PRKAR1B: variants seen among roughly 807,000 people sequenced by gnomAD.
PRKAR1B encodes the protein cAMP-dependent protein kinase type I-beta regulatory subunit.
In PRKAR1B, 22 loss-of-function variants were observed where a neutral mutation model predicts 46.5. The observed-to-expected ratio is 0.47, with a 90% confidence interval of 0.34 to 0.68. The LOEUF (loss-of-function observed/expected upper bound fraction) is 0.68, where lower values mean the gene tolerates loss of function less well. Among genes scored for constraint, PRKAR1B ranks in the 30% least tolerant of loss-of-function variants. The probability of loss-of-function intolerance (pLI) is 0.01; values close to 1 mark genes in which losing one functional copy is unlikely to be tolerated. For synonymous variants in PRKAR1B, 259 were observed against 217.7 expected, an observed-to-expected ratio of 1.19 and a Z score of -1.67; for missense variants, 445 against 535.6, an observed-to-expected ratio of 0.83 and a Z score of 1.67.
chr7:579,161 G>C (rs973417891), intron 9 of PRKAR1B, 95 bp downstream of exon 9: 1 of 1,603,386 alleles, frequency 6.2e-7, no homozygotes, highest in Non-Finnish European at 8.5e-7. Context: ...ACTGACTCCA[G>C]AGGGAGGGTG....
Position 584,290 on chromosome 7 carries a change from G to A in PRKAR1B, c.769+218C>T, listed in dbSNP as rs551009405. Among the ~76,000 whole-genome samples the A allele has an allele frequency of 1.4e-3, 210 of 152,360 alleles. 1 individual carries two copies. The highest frequency in any genetic ancestry group is 4.6e-3 in the African/African-American group (193 of 41,580). ...TGAGAAGCAGGGCAGCCCCGCCCACGAGAGAGGAGGCAGGCTCTTGGGGTT... is the reference window on the plus strand; with the variant it reads ...TGAGAAGCAGGGCAGCCCCGCCCACAAGAGAGGAGGCAGGCTCTTGGGGTT... On this transcript the variant is annotated intron_variant, in intron 8 of 10. Coordinates refer to ENST00000537384, the MANE Select transcript of PRKAR1B (RefSeq NM_001164760.2).
At chr7:561,131 A>AC (rs1778764403) in intron 9 of PRKAR1B, among the ~76,000 whole-genome samples, 5 of 148,258 alleles carry the variant, frequency 3.4e-5, no homozygotes, top group African/African-American at 1.3e-4. Flanking sequence ...ACAGGCACAC[A>AC]AACACACACA....
At chr7:646,777 A>C (rs1391510182) in intron 4 of PRKAR1B, among the ~76,000 whole-genome samples, 1 of 152,246 alleles carries the variant, frequency 6.6e-6, no homozygotes, top group Non-Finnish European at 1.5e-5. Flanking sequence ...AGACTAAGCC[A>C]TGTTAACCAA....
intron 1 of PRKAR1B, among the ~76,000 whole-genome samples, chr7:725,192 C>T (rs1250654626): frequency 2.7e-4 from 39 of 145,676 alleles, no homozygotes; most frequent in African/African-American, 8.7e-4. Context: ...CCAGGCTGGG[C>T]GACAGAGCAA....
Position 578,843 on chromosome 7 carries a change from G to A in PRKAR1B, c.891+413C>T, listed in dbSNP as rs577328919. 101 of 292,298 alleles carry A rather than the reference G, an allele frequency of 3.5e-4. 1 individual carries two copies. Among genetic ancestry groups the A allele is most frequent in the African/African-American group, 1.9e-3 (84 of 43,750 alleles). 18.1% of individuals were successfully genotyped at this position (292,298 alleles called of 1,614,324 possible). Reference sequence around the variant, plus strand: ...ATTACAGGCATGTGCCACCACACCCGGCAAATTTTTGTATTTTTAGTAGAG... The same window carrying A: ...ATTACAGGCATGTGCCACCACACCCAGCAAATTTTTGTATTTTTAGTAGAG... On this transcript the variant is annotated intron_variant, in intron 9 of 10. Coordinates refer to ENST00000537384, the MANE Select transcript of PRKAR1B (RefSeq NM_001164760.2).
At chr7:721,513 T>G (rs761409935) in intron 1 of PRKAR1B, among the ~76,000 whole-genome samples, 3 of 152,140 alleles carry the variant, frequency 2.0e-5, no homozygotes, top group Non-Finnish European at 4.4e-5. Flanking sequence ...TCGGGCATGG[T>G]GGCACATGCC....
rs896904846 is a variant in PRKAR1B, at chr7:627,179, G to A, written c.441-19727C>T. On this transcript the variant is annotated intron_variant, in intron 4 of 10. Coordinates refer to ENST00000537384, the MANE Select transcript of PRKAR1B (RefSeq NM_001164760.2). Reference sequence around the variant, plus strand: ...TTTTTATTTATTTATTTGTAGAGATGGGGTCTCGTCGCATTGCCCAGGCTG... The same window carrying A: ...TTTTTATTTATTTATTTGTAGAGATAGGGTCTCGTCGCATTGCCCAGGCTG... Among the ~76,000 whole-genome samples, 7 of 151,982 alleles carry A rather than the reference G, an allele frequency of 4.6e-5. No homozygotes were observed. The East Asian group carries it at 1.4e-3, about 29-fold the overall frequency.
intron 4 of PRKAR1B, among the ~76,000 whole-genome samples, chr7:654,165 T>C (rs1785060017): frequency 6.7e-6 from 1 of 149,518 alleles, no homozygotes. Flanking sequence ...ATCACTATCA[T>C]TGCCATCTTC....
At position 633,847 on chromosome 7, in the gene PRKAR1B, G is replaced by A. The variant is rs201876215; in HGVS notation, c.441-26395C>T. 1.6e-4 allele frequency among the ~76,000 whole-genome samples: 25 copies of A among 152,140 alleles called. No homozygotes were observed. The East Asian group carries it at 4.3e-3, about 26-fold the overall frequency. ...AAGTAAGGAGGCTGTGTGTAATCACGGGAAACAGGCAGACCCAAGACCTTG... is the reference window on the plus strand; with the variant it reads ...AAGTAAGGAGGCTGTGTGTAATCACAGGAAACAGGCAGACCCAAGACCTTG... On this transcript the variant is annotated intron_variant, in intron 4 of 10. Coordinates refer to ENST00000537384, the MANE Select transcript of PRKAR1B (RefSeq NM_001164760.2).
At chr7:685,248 C>G (rs530777856) in intron 2 of PRKAR1B, among the ~76,000 whole-genome samples, 1 of 89,998 alleles carries the variant, frequency 1.1e-5, no homozygotes, top group Admixed American at 1.1e-4. Flanking sequence ...ACATATAACA[C>G]GTTTTATATA....
At chr7:677,481 C>T (rs1411144566) in intron 3 of PRKAR1B, among the ~76,000 whole-genome samples, 161 bp from the exon 4 acceptor site, 1 of 152,202 alleles carries the variant, frequency 6.6e-6, no homozygotes, top group Non-Finnish European at 1.5e-5. Context: ...TTTTTCTAAA[C>T]AGAGTCTTGA....
At chr7:617,192 A>G (rs1782870597) in intron 4 of PRKAR1B, among the ~76,000 whole-genome samples, 1 of 151,386 alleles carries the variant, frequency 6.6e-6, no homozygotes, top group South Asian at 2.1e-4. Context: ...CAGGGGTTTC[A>G]CCATGTTGGC....
At chr7:583,666 A>AC (rs1252802909) in intron 8 of PRKAR1B, among the ~76,000 whole-genome samples, 1 of 126,478 alleles carries the variant, frequency 7.9e-6, no homozygotes, top group Non-Finnish European at 1.6e-5. Flanking sequence ...ATGCGCACAC[A>AC]CCCACACACA....
chr7:662,339 C>A (rs1785635451), intron 4 of PRKAR1B, among the ~76,000 whole-genome samples: 2 of 133,386 alleles, frequency 1.5e-5, no homozygotes, highest in Admixed American at 7.2e-5. Context: ...ACCTACTCTC[C>A]CCCCCATGGC....
At chr7:556,990 C>T (rs1404139860) in intron 9 of PRKAR1B, among the ~76,000 whole-genome samples, 1 of 152,220 alleles carries the variant, frequency 6.6e-6, no homozygotes, top group East Asian at 1.9e-4. Flanking sequence ...TGCCCTCCCA[C>T]AGCCGACCCC....
chr7:647,831 A>AAAC (rs1784699490), intron 4 of PRKAR1B, among the ~76,000 whole-genome samples: 6 of 147,182 alleles, frequency 4.1e-5, no homozygotes, highest in African/African-American at 7.6e-5. Flanking sequence ...AAAAAAAAAA[A>AAAC]CCTCCTCGCA....
At position 715,785 on chromosome 7, in the gene PRKAR1B, T is replaced by C. The variant is rs548205980; in HGVS notation, c.-22-4258A>G. ...GGCTGCAGTGCAGTGGCGTGATCTC[T>C]GCTCACTGCAAGCTCCGCCTCCCGG... is the stretch of plus-strand genomic sequence containing the variant. On this transcript the variant is annotated intron_variant, in intron 1 of 10. Coordinates refer to ENST00000537384, the MANE Select transcript of PRKAR1B (RefSeq NM_001164760.2). 1.9e-3 allele frequency among the ~76,000 whole-genome samples: 295 copies of C among 151,668 alleles called. 2 individuals are homozygous for C. The highest frequency in any genetic ancestry group is 2.7e-3 in the East Asian group (14 of 5,124).
chr7:726,978 C>A (rs866101617), intron 1 of PRKAR1B: 4 of 1,294,018 alleles, frequency 3.1e-6, no homozygotes, highest in South Asian at 3.8e-5. Context: ...GCTGCCTGAG[C>A]GACCCCGCCG....
chr7:667,986 A>C lies in PRKAR1B; in HGVS notation c.440+9243T>G, dbSNP rs1031002949. Reference sequence around the variant, plus strand: ...TTTCTACCCTTCTCCAAGCTTACGTATCTCTCGCACAACCTTATGTATCTC... The same window carrying C: ...TTTCTACCCTTCTCCAAGCTTACGTCTCTCTCGCACAACCTTATGTATCTC... On this transcript the variant is annotated intron_variant, in intron 4 of 10. Transcript: ENST00000537384. The surrounding 1 kb of genome is among the most constrained non-coding windows in gnomAD (Gnocchi z 4.3). 3.3e-5 allele frequency among the ~76,000 whole-genome samples: 5 copies of C among 152,198 alleles called. No individual in the cohort carries two copies. Among genetic ancestry groups the C allele is most frequent in the Non-Finnish European group, 5.9e-5 (4 of 68,034 alleles).
Sources: gnomAD v4.1 joint callset for allele counts (sites outside exome capture counted in the v4.1 genomes callset) on GRCh38, gnomAD v4.1.1 for gene constraint, Gnocchi (gnomAD v3.1) non-coding constraint, MANE v1.5 for transcripts, NCBI Gene and HGNC (gene_info 2026-07-23, HGNC 2026-07-21) for gene names.